The following MEGF9 variants were observed in gnomAD, a reference collection of about 807,000 sequenced individuals.
The protein encoded by MEGF9 is multiple EGF like domains 9.
MEGF9 carries 6 observed loss-of-function variants against 46.8 expected under a neutral mutation model. The observed-to-expected ratio is 0.13, with a 90% CI of 0.07 to 0.25. The LOEUF (loss-of-function observed/expected upper bound fraction) is 0.25. Ranked by LOEUF, MEGF9 falls within the 10% of genes least tolerant of loss-of-function variation. The probability of loss-of-function intolerance (pLI) is 1.00; values close to 1 mark genes in which losing one functional copy is unlikely to be tolerated. For missense variants in MEGF9, 683 were observed against 792.4 expected (o/e 0.86, Z 1.66); for synonymous variants, 302 against 330.7 (o/e 0.91, Z 0.94).
At chr9:120,671,607 G>T (rs1171827601) in intron 1 of MEGF9, among the ~76,000 whole-genome samples, 2 of 152,122 alleles carry the variant, frequency 1.3e-5, no homozygotes, top group African/African-American at 2.4e-5. Flanking sequence ...TAAAGAAATA[G>T]AATTTATAGT....
At chr9:120,704,428 T>A (rs1290882947) in intron 1 of MEGF9, among the ~76,000 whole-genome samples, 1 of 152,194 alleles carries the variant, frequency 6.6e-6, no homozygotes, top group African/African-American at 2.4e-5. Context: ...TTTCAGTTAC[T>A]TCTGGGCTCT....
chr9:120,713,436 C>G (rs2043961859), intron 1 of MEGF9, among the ~76,000 whole-genome samples: 1 of 152,176 alleles, frequency 6.6e-6, no homozygotes, highest in African/African-American at 2.4e-5. Flanking sequence ...GGCAGAGAGG[C>G]TGGGTGCGCG....
chr9:120,670,224 G>T (rs1327934163), intron 1 of MEGF9, among the ~76,000 whole-genome samples: 1 of 152,102 alleles, frequency 6.6e-6, no homozygotes, highest in African/African-American at 2.4e-5. Context: ...AGCCTCCCGA[G>T]TAGCTGGGAC....
intron 1 of MEGF9, among the ~76,000 whole-genome samples, chr9:120,663,706 C>T (rs1386480734): frequency 2.6e-5 from 4 of 152,214 alleles, no homozygotes; most frequent in Non-Finnish European, 5.9e-5. Context: ...AATAAGATGC[C>T]GAACAGCTCA....
intron 1 of MEGF9, among the ~76,000 whole-genome samples, chr9:120,706,748 T>C (rs1291880935): frequency 6.6e-6 from 1 of 152,098 alleles, no homozygotes; most frequent in Non-Finnish European, 1.5e-5. Context: ...GGTGAGAGAA[T>C]CATTTGAGCC....
chr9:120,674,897 G>A (rs76777504), intron 1 of MEGF9, among the ~76,000 whole-genome samples: 1 of 114,732 alleles, frequency 8.7e-6, no homozygotes, highest in African/African-American at 2.9e-5. Context: ...TTTTTTTTTC[G>A]AGACGGAGTC....
chr9:120,713,726 G>T (rs2043963662), intron 1 of MEGF9, 32 bp downstream of exon 1: 1 of 1,278,126 alleles, frequency 7.8e-7, no homozygotes. Flanking sequence ...AGGTGAGGAC[G>T]GGTCCTGCCC....
intron 1 of MEGF9, among the ~76,000 whole-genome samples, chr9:120,700,897 G>A (rs148065973): frequency 0.019 from 2,913 of 151,600 alleles, 110 homozygotes; most frequent in African/African-American, 0.068. Flanking sequence ...CCTGGACAAC[G>A]TGGTGAAACC....
intron 2 of MEGF9, among the ~76,000 whole-genome samples, chr9:120,629,835 A>G (rs1443089407): frequency 6.6e-6 from 1 of 151,984 alleles, no homozygotes; most frequent in African/African-American, 2.4e-5. Flanking sequence ...CGGGAGGCTG[A>G]GGCAGGCGAA....
chr9:120,713,722 G>A (rs771685732), intron 1 of MEGF9, 36 bp downstream of exon 1: 10 of 1,276,444 alleles, frequency 7.8e-6, no homozygotes, highest in Non-Finnish European at 7.9e-6. Flanking sequence ...GCTGAGGTGA[G>A]GACGGGTCCT....
At chr9:120,673,734 G>A (rs999984232) in intron 1 of MEGF9, among the ~76,000 whole-genome samples, 3 of 152,000 alleles carry the variant, frequency 2.0e-5, no homozygotes, top group African/African-American at 4.8e-5. Context: ...TTGGGAGGCC[G>A]AGGTGGGTGG....
intron 2 of MEGF9, among the ~76,000 whole-genome samples, chr9:120,653,383 T>A (rs12115662): frequency 6.6e-6 from 1 of 151,160 alleles, no homozygotes; most frequent in African/African-American, 2.4e-5. Context: ...TATTTATTTT[T>A]TTTTTTGAGA....
intron 1 of MEGF9, among the ~76,000 whole-genome samples, chr9:120,672,273 G>T (rs965764991): frequency 6.6e-5 from 10 of 152,004 alleles, no homozygotes; most frequent in Non-Finnish European, 1.0e-4. Flanking sequence ...GGAAAAGAAA[G>T]AAATGGTCTT....
chr9:120,616,192 T>C (rs2043471930), intron 3 of MEGF9, among the ~76,000 whole-genome samples: 2 of 151,956 alleles, frequency 1.3e-5, no homozygotes, highest in African/African-American at 4.8e-5. Context: ...GTAAAATATA[T>C]CACATACACA....
At position 120,603,125 on chromosome 9, in the gene MEGF9, T is replaced by C. The variant is rs991945211; in HGVS notation, c.*2065A>G. 1.1e-4 allele frequency: 16 copies of C among 152,182 alleles called. No individual in the cohort carries two copies. The allele number at this position is 152,182 out of a possible 1,614,324, so 9.4% of individuals were successfully genotyped here. A position where few individuals can be genotyped will look rare whatever the true frequency, so the allele number is the denominator to read the frequency against. On this transcript the variant is annotated 3_prime_UTR_variant, in exon 6 of 6. Transcript: ENST00000373930. The stretch of plus-strand genomic sequence containing the variant: ...ATTTCTGCATATAGTTGAAAAAACA[T>C]GTGCTTTAGAGTTAGAGGCCCTGAT...
At chr9:120,680,930 C>G (rs1338425370) in intron 1 of MEGF9, among the ~76,000 whole-genome samples, 2 of 151,618 alleles carry the variant, frequency 1.3e-5, no homozygotes, top group African/African-American at 4.9e-5. Flanking sequence ...GCAGCAGGCT[C>G]CCCTGTGGCC....
chr9:120,688,776 T>G (rs2043835641), intron 1 of MEGF9, among the ~76,000 whole-genome samples: 1 of 152,208 alleles, frequency 6.6e-6, no homozygotes, highest in Non-Finnish European at 1.5e-5. Context: ...TTTTACATGT[T>G]CTTTACACGT....
chr9:120,642,626 T>A (rs1468641276), intron 2 of MEGF9, among the ~76,000 whole-genome samples: 2 of 152,228 alleles, frequency 1.3e-5, no homozygotes, highest in Non-Finnish European at 2.9e-5. Context: ...AACATGTTAG[T>A]CAAGAAAGCT....
At chr9:120,707,575 C>T (rs188858834) in intron 1 of MEGF9, among the ~76,000 whole-genome samples, 1 of 152,076 alleles carries the variant, frequency 6.6e-6, no homozygotes. Flanking sequence ...ACTGTGGGGT[C>T]TATATTAACT....
Sources: allele counts gnomAD v4.1 joint callset (sites outside exome capture counted in the v4.1 genomes callset), GRCh38; gene constraint gnomAD v4.1.1; transcripts MANE v1.5; gene names NCBI Gene and HGNC (gene_info 2026-07-23, HGNC 2026-07-21).